The following XKR6 variants were observed in gnomAD, a reference collection of about 807,000 sequenced individuals.
XKR6 encodes the protein XK related 6.
In XKR6, 22 loss-of-function variants were observed where a neutral mutation model predicts 56.7. The observed-to-expected ratio is 0.39, with a 90% CI of 0.28 to 0.55. XKR6 has a LOEUF of 0.55. Ranked by LOEUF, XKR6 falls within the 20% of genes least tolerant of loss-of-function variation. The pLI, the probability that XKR6 is intolerant of heterozygous loss-of-function variation, is 0.66. For synonymous variants in XKR6, 524 were observed against 387.8 expected (o/e 1.35, Z -4.13); for missense variants, 852 against 889.0 (o/e 0.96, Z 0.53).
At chr8:10,944,042 C>CT (rs1278863691) in intron 1 of XKR6, among the ~76,000 whole-genome samples, 4 of 152,216 alleles carry the variant, frequency 2.6e-5, no homozygotes, top group Admixed American at 2.0e-4. Flanking sequence ...CACCCAGTCC[C>CT]TTAGGAAGAG....
At chr8:10,971,775 C>T (rs998960748) in intron 1 of XKR6, among the ~76,000 whole-genome samples, 1 of 152,198 alleles carries the variant, frequency 6.6e-6, no homozygotes, top group African/African-American at 2.4e-5. Context: ...AGGCAGGGGA[C>T]GCTGGCCACC....
chr8:10,898,771 T>A lies in XKR6; in HGVS notation c.1107A>T (p.Ser369=). ...AGAGGGCAAAAGAGATCACTCGGGA[T>A]GAGATGGTGAAGAGGCGCCAGAAGA... ...IQVFWRLFTI[S]SRVISFALFA... Residue 369 remains serine, a synonymous_variant, in exon 3 of 3, where the codon TCA becomes TCT. Coordinates refer to ENST00000416569, the MANE Select transcript of XKR6 (RefSeq NM_173683.4). This position sits in a 1 kb window ranked among gnomAD's most constrained non-coding sequence, Gnocchi z 6.6. 1 of 1,614,044 alleles carries A rather than the reference T, an allele frequency of 6.2e-7. No individual in the cohort carries two copies.
At chr8:10,952,372 C>A (rs1337416074) in intron 1 of XKR6, among the ~76,000 whole-genome samples, 1 of 152,236 alleles carries the variant, frequency 6.6e-6, no homozygotes, top group Non-Finnish European at 1.5e-5. Flanking sequence ...AACACTAATA[C>A]AGTCAGTACG....
intron 2 of XKR6, among the ~76,000 whole-genome samples, chr8:10,900,429 C>A (rs1404348053): frequency 6.6e-6 from 1 of 152,178 alleles, no homozygotes; most frequent in Admixed American, 6.5e-5. Context: ...ACAAAGGTCC[C>A]CTCCTTCCAT....
chr8:11,052,547 T>C (rs1799577074), intron 1 of XKR6, among the ~76,000 whole-genome samples: 1 of 152,074 alleles, frequency 6.6e-6, no homozygotes, highest in Non-Finnish European at 1.5e-5. Flanking sequence ...GGGATGGGTG[T>C]GCTGAGGGTG....
chr8:11,102,124 C>G (rs1017947911), intron 1 of XKR6, among the ~76,000 whole-genome samples: 1 of 152,144 alleles, frequency 6.6e-6, no homozygotes, highest in African/African-American at 2.4e-5. Flanking sequence ...TTCCTTAAGA[C>G]AAACCTGTGG....
At chr8:10,994,713 G>GA (rs536634216) in intron 1 of XKR6, among the ~76,000 whole-genome samples, 272 of 152,012 alleles carry the variant, frequency 1.8e-3, no homozygotes, top group African/African-American at 6.2e-3. Context: ...AGCTATGGAA[G>GA]AAAAAAAATA....
At chr8:10,985,314 G>C (rs913822836) in intron 1 of XKR6, among the ~76,000 whole-genome samples, 2 of 152,012 alleles carry the variant, frequency 1.3e-5, no homozygotes, top group African/African-American at 2.4e-5. Flanking sequence ...TTATAAAGGA[G>C]AGTTCTCCTG....
intron 1 of XKR6, among the ~76,000 whole-genome samples, chr8:10,941,848 C>T (rs766629751): frequency 6.6e-6 from 1 of 152,160 alleles, no homozygotes; most frequent in African/African-American, 2.4e-5. Flanking sequence ...GGCCCCAGGC[C>T]CAAAGTCACA....
intron 1 of XKR6, among the ~76,000 whole-genome samples, chr8:11,099,776 G>A (rs537605712): frequency 6.6e-6 from 1 of 152,200 alleles, no homozygotes; most frequent in East Asian, 1.9e-4. Context: ...TAGCGGAGGA[G>A]ACAAAACTAT....
chr8:11,104,832 AT>A (rs1798617479), intron 1 of XKR6: 1 of 152,168 alleles, frequency 6.6e-6, no homozygotes, highest in African/African-American at 2.4e-5. Context: ...AGTGTAAATG[AT>A]TTCCTAAATG....
chr8:11,118,774 G>A (rs1182331854), intron 1 of XKR6, among the ~76,000 whole-genome samples: 2 of 152,132 alleles, frequency 1.3e-5, no homozygotes, highest in South Asian at 2.1e-4. Flanking sequence ...TGGATTCACT[G>A]ATTTTTTGAA....
intron 1 of XKR6, among the ~76,000 whole-genome samples, chr8:10,940,300 T>C (rs74424003): frequency 1.7e-3 from 265 of 152,320 alleles, no homozygotes; most frequent in African/African-American, 6.1e-3. Flanking sequence ...GTTACTTAGC[T>C]TTCCTCCTTG....
intron 1 of XKR6, among the ~76,000 whole-genome samples, chr8:11,094,647 C>T (rs1029286081): frequency 6.6e-6 from 1 of 152,244 alleles, no homozygotes; most frequent in East Asian, 1.9e-4. Context: ...CTGGTGGGAC[C>T]GACATCGATG....
At chr8:11,136,561 T>A (rs1800413497) in intron 1 of XKR6, among the ~76,000 whole-genome samples, 1 of 151,542 alleles carries the variant, frequency 6.6e-6, no homozygotes, top group Non-Finnish European at 1.5e-5. Context: ...GTGATGGTAC[T>A]TACAGGTAGG....
intron 1 of XKR6, among the ~76,000 whole-genome samples, chr8:11,070,843 C>T (rs996763169): frequency 6.6e-6 from 1 of 152,228 alleles, no homozygotes; most frequent in African/African-American, 2.4e-5. Context: ...AGGATCAAGA[C>T]GGAAGCCTTC....
chr8:11,099,730 A>G (rs2129175538), intron 1 of XKR6, among the ~76,000 whole-genome samples: 1 of 152,354 alleles, frequency 6.6e-6, no homozygotes, highest in African/African-American at 2.4e-5. Flanking sequence ...ACAGCCACCA[A>G]CAAAACAAAG....
chr8:11,049,564 C>T (rs925873449), intron 1 of XKR6, among the ~76,000 whole-genome samples: 1 of 152,122 alleles, frequency 6.6e-6, no homozygotes, highest in African/African-American at 2.4e-5. Context: ...ACTGGGGAGC[C>T]CCAGAGAGAG....
intron 1 of XKR6, among the ~76,000 whole-genome samples, chr8:11,066,051 T>C (rs887499663): frequency 6.6e-6 from 1 of 152,236 alleles, no homozygotes; most frequent in African/African-American, 2.4e-5. Context: ...CCCGCCTTCT[T>C]TGGCATCCCC....
Sources: allele counts gnomAD v4.1 joint callset (sites outside exome capture counted in the v4.1 genomes callset), GRCh38; gene constraint gnomAD v4.1.1; non-coding constraint Gnocchi (gnomAD v3.1); transcripts MANE v1.5; gene names NCBI Gene and HGNC (gene_info 2026-07-23, HGNC 2026-07-21).